MRPS9: variants seen among roughly 807,000 people sequenced by gnomAD.
The protein encoded by MRPS9 is mitochondrial ribosomal protein S9.
Under a neutral mutation model 59.9 loss-of-function variants are expected in MRPS9, and 45 were observed. The ratio of observed to expected loss-of-function variants is 0.75; its 90% CI spans 0.59 to 0.96. The LOEUF (loss-of-function observed/expected upper bound fraction) is 0.96. Among genes scored for constraint, MRPS9 ranks in the 40% least tolerant of loss-of-function variants. The probability of loss-of-function intolerance (pLI) is 0.00; values close to 1 mark genes in which losing one functional copy is unlikely to be tolerated. For synonymous variants in MRPS9, 171 were observed against 166.8 expected, an observed-to-expected ratio of 1.03 and a Z score of -0.19; for missense variants, 473 against 481.1, an observed-to-expected ratio of 0.98 and a Z score of 0.16.
At position 105,090,039 on chromosome 2, in the gene MRPS9, G is replaced by C. The variant is rs759364644; in HGVS notation, c.651+44G>C. 1.1e-5 allele frequency: 12 copies of C among 1,129,750 alleles called. No individual in the cohort carries two copies. The Admixed American group carries it at 2.4e-4, about 22-fold the overall frequency. 70.0% of individuals were successfully genotyped at this position (1,129,750 alleles called of 1,614,324 possible). A position where few individuals can be genotyped will look rare whatever the true frequency, so the allele number is the denominator to read the frequency against. On this transcript the variant is annotated intron_variant, in intron 7 of 10. Coordinates refer to ENST00000258455, the MANE Select transcript of MRPS9 (RefSeq NM_182640.3). The stretch of plus-strand genomic sequence containing the variant: ...TAATTTAAGGGGACCTATGCAATAA[G>C]AATACAGACAATTGCTGTATTTAGG...
At chr2:105,076,984 C>CA (rs1324032763) in intron 4 of MRPS9, among the ~76,000 whole-genome samples, 98 of 152,310 alleles carry the variant, frequency 6.4e-4, no homozygotes, top group African/African-American at 2.2e-3. Context: ...CATGGTGGCT[C>CA]ACCCCTGTAA....
chr2:105,086,391 A>G (rs891921583), intron 5 of MRPS9, among the ~76,000 whole-genome samples: 2 of 152,152 alleles, frequency 1.3e-5, no homozygotes, highest in African/African-American at 4.8e-5. Flanking sequence ...ATAAATTATT[A>G]TAGATCTCAG....
intron 2 of MRPS9, among the ~76,000 whole-genome samples, chr2:105,053,850 A>C (rs1476088483): frequency 6.6e-6 from 1 of 152,218 alleles, no homozygotes; most frequent in Non-Finnish European, 1.5e-5. Context: ...ATATTATAAA[A>C]ATCTACCTTT....
intron 2 of MRPS9, among the ~76,000 whole-genome samples, chr2:105,069,138 C>A (rs1680058159): frequency 6.6e-6 from 1 of 151,692 alleles, no homozygotes; most frequent in African/African-American, 2.4e-5. Flanking sequence ...AAAATGTGTT[C>A]TCTCAGTAGT....
chr2:105,081,706 T>C (rs1680351638), intron 5 of MRPS9, among the ~76,000 whole-genome samples: 1 of 152,242 alleles, frequency 6.6e-6, no homozygotes, highest in African/African-American at 2.4e-5. Context: ...TACCATACTC[T>C]CTGACTAAAA....
At chr2:105,043,924 C>T (rs1024634483) in intron 1 of MRPS9, among the ~76,000 whole-genome samples, 6 of 149,146 alleles carry the variant, frequency 4.0e-5, no homozygotes, top group Non-Finnish European at 7.4e-5. Context: ...TGAGTCACCA[C>T]GCCCGGCTGC....
intron 7 of MRPS9, 35 bp downstream of exon 7, chr2:105,090,030 A>G (rs1443481066): frequency 1.6e-6 from 2 of 1,250,384 alleles, no homozygotes; most frequent in Non-Finnish European, 2.3e-6. Flanking sequence ...AAGGGGACCT[A>G]TGCAATAAGA....
At chr2:105,092,223 G>T in intron 7 of MRPS9, 178 bp from the exon 8 acceptor site, 1 of 448,260 alleles carries the variant, frequency 2.2e-6, no homozygotes. Flanking sequence ...CTAAAGATAC[G>T]CAGGAAAAGT....
intron 2 of MRPS9, among the ~76,000 whole-genome samples, chr2:105,051,209 C>T (rs963257983): frequency 8.5e-5 from 13 of 152,070 alleles, no homozygotes; most frequent in African/African-American, 2.4e-4. Context: ...TCCATTTTAA[C>T]GTAATTTTTG....
rs538048022 is a variant in MRPS9, at chr2:105,084,385, G to T, written c.489+4323G>T. ...TTGCCTTGTGAAGGAAGCTCCTGGCGTATTTGGAGAATCTCCAGTTCATTT... is the reference window on the plus strand; with the variant it reads ...TTGCCTTGTGAAGGAAGCTCCTGGCTTATTTGGAGAATCTCCAGTTCATTT... On this transcript the variant is annotated intron_variant, in intron 5 of 10. Coordinates refer to ENST00000258455, the MANE Select transcript of MRPS9 (RefSeq NM_182640.3). Among the ~76,000 whole-genome samples the T allele has an allele frequency of 2.0e-5, 3 of 152,092 alleles. No homozygotes were observed. The East Asian group carries it at 5.8e-4, about 29-fold the overall frequency.
intron 5 of MRPS9, among the ~76,000 whole-genome samples, chr2:105,086,438 T>A (rs1558761683): frequency 6.6e-6 from 1 of 152,184 alleles, no homozygotes; most frequent in Non-Finnish European, 1.5e-5. Flanking sequence ...AAGAATACTT[T>A]AAGAAAAATA....
At position 105,089,054 on chromosome 2, in the gene MRPS9, A is replaced by G. The variant is rs773050510; in HGVS notation, c.560A>G (p.Glu187Gly). ...TTGCAAGCCAAAAGTCTGCTCCCAGAAAAAACTGTAACCAGGTAAGCTCTT... is the reference window on the plus strand; with the variant it reads ...TTGCAAGCCAAAAGTCTGCTCCCAGGAAAAACTGTAACCAGGTAAGCTCTT... ...SHLQAKSLLP[E>G]KTVTRDVIGS... The change falls in exon 6 of 11, where the codon GAA becomes GGA. Residue 187 changes from glutamate (E) to glycine (G), a missense_variant. Coordinates refer to ENST00000258455, the MANE Select transcript of MRPS9 (RefSeq NM_182640.3). 6.2e-7 allele frequency: 1 copy of G among 1,610,420 alleles called. No homozygotes were observed. Among genetic ancestry groups the G allele is most frequent in the South Asian group, 1.1e-5 (1 of 90,626 alleles).
chr2:105,060,368 G>A (rs1679877488), intron 2 of MRPS9, among the ~76,000 whole-genome samples: 2 of 152,104 alleles, frequency 1.3e-5, no homozygotes, highest in African/African-American at 2.4e-5. Flanking sequence ...TGCAGCCTCC[G>A]CCTCCTGGGT....
chr2:105,049,152 C>T lies in MRPS9; in HGVS notation c.136-19C>T, dbSNP rs113453907. The T allele has an allele frequency of 1.9e-5, 28 of 1,467,684 alleles. No homozygotes were observed. The African/African-American group carries it at 3.4e-4, about 18-fold the overall frequency. 90.9% of individuals were successfully genotyped at this position (1,467,684 alleles called of 1,614,324 possible). ...AGTTTAATTTATTTTCTTTTCTTTC[C>T]ATCTATATTTTCTGTTAGATATTAA... is the stretch of plus-strand genomic sequence containing the variant. On this transcript the variant is annotated intron_variant, in intron 1 of 10. Transcript: ENST00000258455.
At chr2:105,058,970 G>T (rs189906494) in intron 2 of MRPS9, among the ~76,000 whole-genome samples, 2 of 151,854 alleles carry the variant, frequency 1.3e-5, no homozygotes, top group Non-Finnish European at 2.9e-5. Context: ...GAGCCACTGC[G>T]CCCGGCAGTT....
chr2:105,098,850 G>A (rs1680728664), intron 10 of MRPS9, among the ~76,000 whole-genome samples: 1 of 152,162 alleles, frequency 6.6e-6, no homozygotes, highest in Non-Finnish European at 1.5e-5. Context: ...ATTTATAAAA[G>A]CAATGTAAGA....
intron 7 of MRPS9, chr2:105,091,318 G>A (rs951554210): frequency 2.1e-6 from 1 of 470,970 alleles, no homozygotes; most frequent in Non-Finnish European, 4.4e-6. Context: ...GTGCCCCTTT[G>A]TAGGTGCAGA....
chr2:105,040,319 G>C (rs1170758593), intron 1 of MRPS9, among the ~76,000 whole-genome samples: 1 of 152,032 alleles, frequency 6.6e-6, no homozygotes, highest in Non-Finnish European at 1.5e-5. Flanking sequence ...ACTATACCTG[G>C]TCTTTTGTTT....
intron 4 of MRPS9, among the ~76,000 whole-genome samples, chr2:105,077,709 G>A (rs936792330): frequency 6.6e-6 from 1 of 152,160 alleles, no homozygotes; most frequent in Non-Finnish European, 1.5e-5. Context: ...CTGAATAGGG[G>A]AGGGCAGTAT....
Sources: allele counts gnomAD v4.1 joint callset (sites outside exome capture counted in the v4.1 genomes callset), GRCh38; gene constraint gnomAD v4.1.1; transcripts MANE v1.5; gene names NCBI Gene and HGNC (gene_info 2026-07-23, HGNC 2026-07-21).